DPYD: variants seen among roughly 807,000 people sequenced by gnomAD.
DPYD encodes the protein dihydropyrimidine dehydrogenase [NADP(+)].
Under a neutral mutation model 116.2 loss-of-function variants are expected in DPYD, and 109 were observed. The ratio of observed to expected loss-of-function variants is 0.94; its 90% CI spans 0.80 to 1.10. DPYD has a LOEUF of 1.10. Among genes scored for constraint, DPYD ranks in the 50% least tolerant of loss-of-function variants. The probability of loss-of-function intolerance (pLI) is 0.00; values close to 1 mark genes in which losing one functional copy is unlikely to be tolerated. For missense variants in DPYD, 1,302 were observed against 1,254.5 expected, an observed-to-expected ratio of 1.04 and a Z score of -0.57; for synonymous variants, 440 against 432.0, an observed-to-expected ratio of 1.02 and a Z score of -0.23.
intron 18 of DPYD, among the ~76,000 whole-genome samples, chr1:97,250,981 G>C (rs1663046765): frequency 6.6e-6 from 1 of 152,106 alleles, no homozygotes; most frequent in South Asian, 2.1e-4. Context: ...GTAGCAAAAT[G>C]TCCATCTCAA....
At chr1:97,609,650 A>C (rs529464411) in intron 8 of DPYD, among the ~76,000 whole-genome samples, 1 of 152,028 alleles carries the variant, frequency 6.6e-6, no homozygotes, top group Non-Finnish European at 1.5e-5. Flanking sequence ...GATTTAAAAT[A>C]GCAAAAACTG....
intron 11 of DPYD, among the ~76,000 whole-genome samples, chr1:97,564,617 T>C (rs1425810012): frequency 1.3e-5 from 2 of 152,134 alleles, no homozygotes; most frequent in Non-Finnish European, 2.9e-5. Flanking sequence ...CACACCACCA[T>C]TTCACTCAGA....
At chr1:97,857,946 A>G (rs1192105879) in intron 2 of DPYD, among the ~76,000 whole-genome samples, 1 of 151,848 alleles carries the variant, frequency 6.6e-6, no homozygotes, top group Non-Finnish European at 1.5e-5. Flanking sequence ...TGCTTGGTGT[A>G]TGGGGCTTCT....
Position 97,692,631 on chromosome 1 carries a change from C to T in DPYD, c.681-833G>A, listed in dbSNP as rs374800641. Among the ~76,000 whole-genome samples the T allele has an allele frequency of 7.9e-5, 12 of 152,258 alleles. No individual in the cohort carries two copies. In the South Asian group the frequency reaches 1.0e-3, roughly 13 times the overall value. On this transcript the variant is annotated intron_variant, in intron 6 of 22. Transcript: ENST00000370192. ...TGAATAGTGCCAGGCACAGTGTTTA[C>T]GAAGTGCCAGCTAAGTGTAAGCTGC...
At chr1:97,286,258 T>C (rs930752080) in intron 18 of DPYD, among the ~76,000 whole-genome samples, 5 of 152,192 alleles carry the variant, frequency 3.3e-5, no homozygotes, top group African/African-American at 1.2e-4. Context: ...CCCACTCTCT[T>C]CTGGCTTGTA....
Position 97,919,438 on chromosome 1 carries a change from C to T in DPYD, c.39+1446G>A, listed in dbSNP as rs142406340. 1.2e-3 allele frequency among the ~76,000 whole-genome samples: 188 copies of T among 152,276 alleles called. 2 individuals carry two copies. The East Asian group carries it at 0.034, about 28-fold the overall frequency. On this transcript the variant is annotated intron_variant, in intron 1 of 22. Transcript: ENST00000370192. The stretch of plus-strand genomic sequence containing the variant: ...AGAATGTAAGAACTGATTTCGAAGA[C>T]AACTGCAGAGAAAGAAATCAGTTAA...
At chr1:97,518,334 A>T (rs1298581844) in intron 12 of DPYD, among the ~76,000 whole-genome samples, 10 of 152,070 alleles carry the variant, frequency 6.6e-5, no homozygotes, top group Non-Finnish European at 2.9e-5. Flanking sequence ...CTTTTTTCAT[A>T]CTGTGCAACA....
At chr1:97,596,384 A>G (rs2102263494) in intron 8 of DPYD, among the ~76,000 whole-genome samples, 1 of 152,268 alleles carries the variant, frequency 6.6e-6, no homozygotes, top group East Asian at 1.9e-4. Flanking sequence ...ACATATATCA[A>G]CTATAAATTA....
At chr1:97,184,130 T>G (rs1657835963) in intron 20 of DPYD, among the ~76,000 whole-genome samples, 1 of 152,194 alleles carries the variant, frequency 6.6e-6, no homozygotes, top group Admixed American at 6.6e-5. Context: ...TATTCCATAG[T>G]GTATATGTAC....
At chr1:97,792,436 GA>G (rs1363682836) in intron 3 of DPYD, among the ~76,000 whole-genome samples, 1 of 152,012 alleles carries the variant, frequency 6.6e-6, no homozygotes, top group African/African-American at 2.4e-5. Context: ...TTTTAGTAGA[GA>G]CGGGGTTTCA....
intron 13 of DPYD, among the ~76,000 whole-genome samples, chr1:97,482,650 T>A (rs1489821921): frequency 1.3e-5 from 2 of 152,120 alleles, no homozygotes; most frequent in East Asian, 3.9e-4. Flanking sequence ...GACAGCAAAT[T>A]TAGTTTTTGT....
At chr1:97,772,581 G>T (rs745744012) in intron 3 of DPYD, among the ~76,000 whole-genome samples, 9 of 152,286 alleles carry the variant, frequency 5.9e-5, no homozygotes, top group Admixed American at 2.6e-4. Context: ...TGTGTGTGCA[G>T]ATTTGTTCAA....
rs753504491 is a variant in DPYD at position 97,593,344 on chromosome 1, G to A, written c.1002C>T (p.Val334=). The change falls in exon 10 of 23, where the codon GTC becomes GTT. Residue 334 remains valine, a synonymous_variant. Coordinates refer to ENST00000370192, the MANE Select transcript of DPYD (RefSeq NM_000110.4). ...TGTCTCCAGCTCCAAGTACAATCAC[G>A]ACTCCCCGTATCGATGGCAATGGAG... The part of the protein sequence containing the change: ...CHSPLPSIRG[V]VIVLGAGDTA... 11 of 1,613,942 alleles carry A rather than the reference G, an allele frequency of 6.8e-6. No individual in the cohort carries two copies. Among genetic ancestry groups the A allele is most frequent in the South Asian group, 2.2e-5 (2 of 91,076 alleles).
chr1:97,111,276 T>C (rs1378120319), intron 20 of DPYD, among the ~76,000 whole-genome samples: 1 of 152,088 alleles, frequency 6.6e-6, no homozygotes, highest in Non-Finnish European at 1.5e-5. Flanking sequence ...TGACAGATGA[T>C]TCCTCTGCTT....
At chr1:97,563,153 A>G (rs1652282966) in intron 11 of DPYD, among the ~76,000 whole-genome samples, 1 of 152,208 alleles carries the variant, frequency 6.6e-6, no homozygotes, top group Non-Finnish European at 1.5e-5. Context: ...TATAATTAAG[A>G]ACCTTACTAT....
intron 16 of DPYD, among the ~76,000 whole-genome samples, chr1:97,315,934 C>T (rs1667803483): frequency 6.6e-6 from 1 of 151,912 alleles, no homozygotes; most frequent in Admixed American, 6.6e-5. Flanking sequence ...GTGACCTCTG[C>T]AAAAAGACAA....
At chr1:97,902,619 C>T (rs559430179) in intron 1 of DPYD, among the ~76,000 whole-genome samples, 242 of 151,898 alleles carry the variant, frequency 1.6e-3, no homozygotes, top group South Asian at 3.9e-3. Context: ...TAATACAATG[C>T]TTCCTACACT....
chr1:97,767,923 T>TTC (rs2101149393), intron 3 of DPYD, among the ~76,000 whole-genome samples: 1 of 152,248 alleles, frequency 6.6e-6, no homozygotes, highest in South Asian at 2.1e-4. Context: ...TCTTTCAACT[T>TTC]GACTGTGTTT....
intron 5 of DPYD, among the ~76,000 whole-genome samples, chr1:97,708,239 C>A (rs1662091514): frequency 6.6e-6 from 1 of 152,086 alleles, no homozygotes; most frequent in Admixed American, 6.6e-5. Flanking sequence ...CGAAGGTCAT[C>A]TACATGGTCT....
Sources: gnomAD v4.1 joint callset for allele counts (sites outside exome capture counted in the v4.1 genomes callset) on GRCh38, gnomAD v4.1.1 for gene constraint, MANE v1.5 for transcripts, NCBI Gene and HGNC (gene_info 2026-07-23, HGNC 2026-07-21) for gene names.